Variants in FAM83D observed in about 807,000 individuals in gnomAD.
The protein encoded by FAM83D is scaffolding CK1 anchoring protein D, also known as protein FAM83D.
Under a neutral mutation model 25.4 loss-of-function variants are expected in FAM83D, and 26 were observed. That is an observed-to-expected ratio of 1.02 (90% CI 0.75 to 1.42). The LOEUF (loss-of-function observed/expected upper bound fraction) is 1.42, where lower values mean the gene tolerates loss of function less well. Ranked by LOEUF, FAM83D falls within the 40% of genes most tolerant of loss-of-function variation. FAM83D has a pLI of 0.00. For missense variants in FAM83D, 740 were observed against 758.1 expected (o/e 0.98, Z 0.28); for synonymous variants, 310 against 318.5 (o/e 0.97, Z 0.28).
At chr20:38,945,934 G>A (rs918264840) in intron 2 of FAM83D, among the ~76,000 whole-genome samples, 8 of 151,962 alleles carry the variant, frequency 5.3e-5, no homozygotes, top group African/African-American at 1.9e-4. Context: ...CTAGCTGGGT[G>A]CAGTGGCTCA....
chr20:38,941,596 C>G (rs1275209250), intron 1 of FAM83D, among the ~76,000 whole-genome samples: 2 of 152,186 alleles, frequency 1.3e-5, no homozygotes, highest in African/African-American at 2.4e-5. Context: ...CAGAACCAGA[C>G]AGCTTGCTGA....
intron 3 of FAM83D, among the ~76,000 whole-genome samples, chr20:38,949,079 C>T (rs748514651): frequency 6.6e-5 from 10 of 151,988 alleles, no homozygotes; most frequent in Admixed American, 3.3e-4. Context: ...AAATTGATGA[C>T]GATGATAGCT....
At chr20:38,940,306 G>T (rs1337352612) in intron 1 of FAM83D, among the ~76,000 whole-genome samples, 3 of 152,052 alleles carry the variant, frequency 2.0e-5, no homozygotes, top group Non-Finnish European at 4.4e-5. Flanking sequence ...GGTGTTTCAG[G>T]GTCTCACATC....
chr20:38,951,432 G>A, intron 3 of FAM83D, 107 bp from the exon 4 acceptor site: 1 of 1,274,346 alleles, frequency 7.8e-7, no homozygotes, highest in Non-Finnish European at 1.1e-6. Flanking sequence ...CCAAATTTGT[G>A]ACCCTTATGT....
At chr20:38,939,077 C>G (rs1391167079) in intron 1 of FAM83D, among the ~76,000 whole-genome samples, 2 of 152,190 alleles carry the variant, frequency 1.3e-5, no homozygotes, top group African/African-American at 4.8e-5. Context: ...AGTCATGTCC[C>G]GTGGCTCCCT....
At chr20:38,938,275 C>G (rs977780937) in intron 1 of FAM83D, among the ~76,000 whole-genome samples, 1 of 152,248 alleles carries the variant, frequency 6.6e-6, no homozygotes, top group Non-Finnish European at 1.5e-5. Flanking sequence ...GCCCCTGCCT[C>G]CAGCAGGTCT....
chr20:38,947,097 A>G (rs947511561), intron 2 of FAM83D, among the ~76,000 whole-genome samples: 1 of 152,212 alleles, frequency 6.6e-6, no homozygotes, highest in African/African-American at 2.4e-5. Flanking sequence ...AATGTGTAAG[A>G]TTTCTAACGA....
rs1490187171 is a variant in FAM83D, at chr20:38,926,968, T to G, written c.483+43T>G. 4.3e-6 allele frequency: 6 copies of G among 1,404,516 alleles called. No homozygotes were observed. In the South Asian group the frequency reaches 9.3e-5, roughly 22 times the overall value. 87.0% of individuals were successfully genotyped at this position (1,404,516 alleles called of 1,614,324 possible). ...GCCCTGGGTCGCACGGGAGACCCCC[T>G]TCAAGAATGGGAAATTGAGGCCTGC... On this transcript the variant is annotated intron_variant, in intron 1 of 3. Coordinates refer to ENST00000619850, the MANE Select transcript of FAM83D (RefSeq NM_030919.3).
At chr20:38,945,213 A>G (rs1277953260) in intron 2 of FAM83D, among the ~76,000 whole-genome samples, 1 of 152,114 alleles carries the variant, frequency 6.6e-6, no homozygotes, top group African/African-American at 2.4e-5. Flanking sequence ...GGCATATGCA[A>G]CATTCAGATG....
At chr20:38,936,045 A>C (rs1483337840) in intron 1 of FAM83D, among the ~76,000 whole-genome samples, 2 of 152,232 alleles carry the variant, frequency 1.3e-5, no homozygotes, top group East Asian at 3.8e-4. Flanking sequence ...TGCAGCAGCC[A>C]GGATGTTATT....
intron 2 of FAM83D, among the ~76,000 whole-genome samples, chr20:38,946,179 C>A: frequency 8.1e-6 from 1 of 123,134 alleles, no homozygotes; most frequent in Non-Finnish European, 1.6e-5. Context: ...TACTGCACTC[C>A]AGAGTGAGAC....
In FAM83D at chr20:38,951,895, G is replaced by A. The variant is rs1183124653; in HGVS notation, c.1133G>A (p.Arg378Lys). The change falls in exon 4 of 4, where the codon AGG becomes AAG. Residue 378 changes from arginine (R) to lysine (K), a missense_variant. Arg to Lys is a conservative substitution (Grantham distance 26, BLOSUM62 2). Around this residue, in one of 3 missense-constraint regions of FAM83D, gnomAD observed 375 missense variants for 403.2 expected, o/e 0.93. Coordinates refer to ENST00000619850, the MANE Select transcript of FAM83D (RefSeq NM_030919.3). The stretch of plus-strand genomic sequence containing the variant: ...GAGGAAGACTACTTCAGCAGCCACA[G>A]GGACGAGCTCCAGAGCAGAAAGGCC... ...VSEEDYFSSH[R>K]DELQSRKAID... The A allele has an allele frequency of 1.2e-6, 2 of 1,614,154 alleles. No individual in the cohort carries two copies. Among genetic ancestry groups the A allele is most frequent in the Admixed American group, 1.7e-5 (1 of 60,024 alleles).
intron 3 of FAM83D, among the ~76,000 whole-genome samples, chr20:38,949,555 G>A (rs2085743947): frequency 6.6e-6 from 1 of 152,206 alleles, no homozygotes; most frequent in Admixed American, 6.5e-5. Context: ...GGTTACAGGA[G>A]ACAGAGTTGA....
rs1472271316 is a variant in FAM83D, at chr20:38,952,967, G to A, written c.*447G>A. On this transcript the variant is annotated 3_prime_UTR_variant, in exon 4 of 4. Transcript: ENST00000619850. Reference sequence around the variant, plus strand: ...GTTTTGCATTTTTCTTAGGTTGTATGCTCTTCTGTTTTAAAGGTTTGAATC... The same window carrying A: ...GTTTTGCATTTTTCTTAGGTTGTATACTCTTCTGTTTTAAAGGTTTGAATC... 3 of 157,754 alleles carry A rather than the reference G, an allele frequency of 1.9e-5. No homozygotes were observed. The highest frequency in any genetic ancestry group is 4.8e-5 in the African/African-American group (2 of 41,484). 9.8% of individuals were successfully genotyped at this position (157,754 alleles called of 1,614,324 possible).
At chr20:38,929,364 G>A (rs374622345) in intron 1 of FAM83D, among the ~76,000 whole-genome samples, 3 of 152,150 alleles carry the variant, frequency 2.0e-5, no homozygotes, top group African/African-American at 2.4e-5. Flanking sequence ...GGAGTTTGCT[G>A]CAGGTACTGC....
intron 1 of FAM83D, among the ~76,000 whole-genome samples, chr20:38,938,020 C>T (rs2085685688): frequency 6.6e-6 from 1 of 152,162 alleles, no homozygotes; most frequent in Non-Finnish European, 1.5e-5. Context: ...GGAGTGGATG[C>T]TGGGTGTAGG....
At chr20:38,936,262 G>A (rs750663608) in intron 1 of FAM83D, among the ~76,000 whole-genome samples, 6 of 152,190 alleles carry the variant, frequency 3.9e-5, no homozygotes, top group Non-Finnish European at 5.9e-5. Context: ...TGAGGGGCCT[G>A]TTGGGGCTGC....
intron 3 of FAM83D, among the ~76,000 whole-genome samples, chr20:38,949,998 T>C (rs1201271333): frequency 6.6e-6 from 1 of 152,168 alleles, no homozygotes; most frequent in Non-Finnish European, 1.5e-5. Context: ...TTTTTTTGTA[T>C]TTTTAGTAGA....
At position 38,951,452 on chromosome 20, in the gene FAM83D, C is replaced by T. The variant is rs1026008403; in HGVS notation, c.777-87C>T. On this transcript the variant is annotated intron_variant, in intron 3 of 3. Transcript: ENST00000619850. ...TTTGTGACCCTTATGTGGTAAGATACCTGTACTATATTATTCAGATGGACA... is the reference window on the plus strand; with the variant it reads ...TTTGTGACCCTTATGTGGTAAGATATCTGTACTATATTATTCAGATGGACA... 6 of 1,437,872 alleles carry T rather than the reference C, an allele frequency of 4.2e-6. No individual in the cohort carries two copies. The Admixed American group carries it at 1.4e-4, about 35-fold the overall frequency. 89.1% of individuals were successfully genotyped at this position (1,437,872 alleles called of 1,614,324 possible).
Sources: gnomAD v4.1 joint callset for allele counts (sites outside exome capture counted in the v4.1 genomes callset) on GRCh38, gnomAD v4.1.1 for gene constraint, gnomAD v4.1.1 regional missense constraint, MANE v1.5 for transcripts, NCBI Gene and HGNC (gene_info 2026-07-23, HGNC 2026-07-21) for gene names.